The following PSMD4 variants were observed in gnomAD, a reference collection of about 807,000 sequenced individuals.
PSMD4 encodes the protein proteasome 26S subunit ubiquitin receptor, non-ATPase 4, also known as 26S proteasome non-ATPase regulatory subunit 4.
A neutral mutation model predicts 39.7 loss-of-function variants in PSMD4; 5 were observed. The observed-to-expected ratio is 0.13, with a 90% CI of 0.07 to 0.26. PSMD4 has a LOEUF of 0.26. Ranked by LOEUF, PSMD4 falls within the 10% of genes least tolerant of loss-of-function variation. The pLI is 1.00. For synonymous variants in PSMD4, 143 were observed against 174.6 expected (o/e 0.82, Z 1.43); for missense variants, 272 against 486.1 (o/e 0.56, Z 4.14).
chr1:151,254,849 C>G, intron 1 of PSMD4, 41 bp downstream of exon 1: 1 of 1,469,114 alleles, frequency 6.8e-7, no homozygotes, highest in Non-Finnish European at 9.0e-7. Flanking sequence ...GAGCTGGGTT[C>G]CGGGCGCGTG....
At chr1:151,260,180 C>G (rs1249182104) in intron 1 of PSMD4, among the ~76,000 whole-genome samples, 1 of 148,722 alleles carries the variant, frequency 6.7e-6, no homozygotes, top group Non-Finnish European at 1.5e-5. Context: ...GCCTGGGCAA[C>G]AAGAGCGAAA....
chr1:151,265,296 C>T (rs1693405727), intron 5 of PSMD4, 62 bp downstream of exon 5: 2 of 1,595,152 alleles, frequency 1.3e-6, no homozygotes, highest in African/African-American at 2.7e-5. Flanking sequence ...TGGTCCTTAA[C>T]CCTGAGGAGT....
intron 6 of PSMD4, 134 bp downstream of exon 6, chr1:151,265,743 G>T: frequency 9.6e-7 from 1 of 1,039,406 alleles, no homozygotes; most frequent in Non-Finnish European, 1.4e-6. Flanking sequence ...ACCTCCTTTT[G>T]CCGCCTCTTC....
At chr1:151,265,298 C>T in intron 5 of PSMD4, 64 bp downstream of exon 5, 1 of 1,594,652 alleles carries the variant, frequency 6.3e-7, no homozygotes, top group South Asian at 1.1e-5. Flanking sequence ...GTCCTTAACC[C>T]TGAGGAGTGC....
intron 1 of PSMD4, among the ~76,000 whole-genome samples, chr1:151,256,343 CAAAA>C (rs57889256): frequency 1.6e-4 from 8 of 49,220 alleles, no homozygotes; most frequent in African/African-American, 5.4e-4. Flanking sequence ...GACTCCCTCT[CAAAA>C]AAAAAAAAAT....
chr1:151,263,855 A>G, intron 2 of PSMD4, 59 bp from the exon 3 acceptor site: 1 of 1,158,950 alleles, frequency 8.6e-7, no homozygotes, highest in Non-Finnish European at 1.2e-6. Flanking sequence ...AAAGTTAGAC[A>G]CAGTTTAGAG....
intron 1 of PSMD4, among the ~76,000 whole-genome samples, chr1:151,258,446 C>T (rs1319036550): frequency 4.6e-5 from 6 of 131,732 alleles, no homozygotes; most frequent in East Asian, 2.2e-4. Flanking sequence ...TTACCCTTTT[C>T]GAGTGTTTTT....
intron 1 of PSMD4, among the ~76,000 whole-genome samples, chr1:151,259,629 C>T (rs976930226): frequency 1.3e-5 from 2 of 152,208 alleles, no homozygotes; most frequent in African/African-American, 4.8e-5. Flanking sequence ...TGGCTCACAC[C>T]TGTAATCCCA....
rs1693478694 is a variant in PSMD4, at chr1:151,267,421, T to C, written c.*78T>C. On this transcript the variant is annotated 3_prime_UTR_variant, in exon 10 of 10. Transcript: ENST00000368884. Reference sequence around the variant, plus strand: ...GGAATATAGGGTTAGATGTGTGTTATCTGTAACCATTACAGCCTAAATAAA... The same window carrying C: ...GGAATATAGGGTTAGATGTGTGTTACCTGTAACCATTACAGCCTAAATAAA... 14 of 1,486,118 alleles carry C rather than the reference T, an allele frequency of 9.4e-6. No individual in the cohort carries two copies. The highest frequency in any genetic ancestry group is 1.4e-5 in the African/African-American group (1 of 71,250). The allele number at this position is 1,486,118 out of a possible 1,614,324, so 92.1% of individuals were successfully genotyped here. A position where few individuals can be genotyped will look rare whatever the true frequency, so the allele number is the denominator to read the frequency against.
chr1:151,264,110 C>A, intron 3 of PSMD4, 82 bp downstream of exon 3: 1 of 1,102,996 alleles, frequency 9.1e-7, no homozygotes. Context: ...CCCTGGAATC[C>A]TGAGCTAGGA....
At chr1:151,264,100 C>A in intron 3 of PSMD4, 72 bp downstream of exon 3, 1 of 1,184,686 alleles carries the variant, frequency 8.4e-7, no homozygotes, top group Non-Finnish European at 1.2e-6. Context: ...CTCATTTCTC[C>A]CCTGGAATCC....
At chr1:151,261,038 G>T (rs1693305241) in intron 1 of PSMD4, among the ~76,000 whole-genome samples, 2 of 151,656 alleles carry the variant, frequency 1.3e-5, no homozygotes, top group South Asian at 4.2e-4. Flanking sequence ...TAGAGACGGG[G>T]TTTCACAATG....
chr1:151,254,761 C>G lies in PSMD4; in HGVS notation c.-22C>G, dbSNP rs1489058107. 4 of 1,555,506 alleles carry G rather than the reference C, an allele frequency of 2.6e-6. No individual in the cohort carries two copies. The highest frequency in any genetic ancestry group is 3.5e-6 in the Non-Finnish European group (4 of 1,150,846). ...TGTTAGGCCGTCCCGGAGACCCGGT[C>G]GGGAGGGAGGAAGGTGGCAAGATGG... On this transcript the variant is annotated 5_prime_UTR_variant, in exon 1 of 10. Transcript: ENST00000368884.
intron 2 of PSMD4, 60 bp downstream of exon 2, chr1:151,262,361 C>T: frequency 6.9e-6 from 11 of 1,596,758 alleles, no homozygotes; most frequent in South Asian, 1.1e-5. Context: ...TGCTACTCTT[C>T]TTTAGATTCC....
At chr1:151,259,217 G>A (rs1693255735) in intron 1 of PSMD4, 1 of 152,170 alleles carries the variant, frequency 6.6e-6, no homozygotes, top group Non-Finnish European at 1.5e-5. Flanking sequence ...TACTACCCTA[G>A]ACAGGTTGAG....
chr1:151,254,740 A>C lies in PSMD4; in HGVS notation c.-43A>C. The stretch of plus-strand genomic sequence containing the variant: ...CGGGCCAATTGGAGGAGTTGTTGTT[A>C]GGCCGTCCCGGAGACCCGGTCGGGA... On this transcript the variant is annotated 5_prime_UTR_variant, in exon 1 of 10. Transcript: ENST00000368884. 7 of 1,548,116 alleles carry C rather than the reference A, an allele frequency of 4.5e-6. No homozygotes were observed. Among genetic ancestry groups the C allele is most frequent in the South Asian group, 1.2e-5 (1 of 83,652 alleles).
intron 1 of PSMD4, among the ~76,000 whole-genome samples, chr1:151,255,547 G>A (rs1188356853): frequency 5.3e-5 from 8 of 152,022 alleles, no homozygotes; most frequent in Admixed American, 2.6e-4. Context: ...ATTTTTGCAG[G>A]GTTTCAAGAG....
chr1:151,257,017 G>A (rs1693191120), intron 1 of PSMD4, among the ~76,000 whole-genome samples: 1 of 152,168 alleles, frequency 6.6e-6, no homozygotes, highest in South Asian at 2.1e-4. Context: ...CCAAAGTGCT[G>A]GCATTATAGG....
intron 7 of PSMD4, 30 bp downstream of exon 7, chr1:151,266,142 A>G: frequency 6.3e-7 from 1 of 1,595,120 alleles, no homozygotes; most frequent in Non-Finnish European, 8.5e-7. Flanking sequence ...AAGTCCTGGG[A>G]CTGCGGGATG....
Sources: gnomAD v4.1 joint callset for allele counts (sites outside exome capture counted in the v4.1 genomes callset) on GRCh38, gnomAD v4.1.1 for gene constraint, MANE v1.5 for transcripts, NCBI Gene and HGNC (gene_info 2026-07-23, HGNC 2026-07-21) for gene names.